RGS12: variants seen among roughly 807,000 people sequenced by gnomAD.
RGS12 encodes regulator of G protein signaling 12, also known as regulator of G-protein signaling 12.
Under a neutral mutation model 120.1 loss-of-function variants are expected in RGS12, and 66 were observed. The observed-to-expected ratio is 0.55, with a 90% CI of 0.45 to 0.67. RGS12 has a LOEUF of 0.67. RGS12 is among the 30% of genes least tolerant of loss of function. The pLI is 0.00. For missense variants in RGS12, 1,859 were observed against 1,957.7 expected (o/e 0.95, Z 0.95); for synonymous variants, 827 against 804.7 (o/e 1.03, Z -0.47).
intron 3 of RGS12, among the ~76,000 whole-genome samples, chr4:3,357,830 A>G (rs1715031895): frequency 6.6e-6 from 1 of 152,122 alleles, no homozygotes; most frequent in Non-Finnish European, 1.5e-5. Flanking sequence ...TGTTTGGGCT[A>G]TTTAGGGTCT....
chr4:3,407,381 GA>G (rs1223331351), intron 4 of RGS12: 5 of 152,308 alleles, frequency 3.3e-5, no homozygotes, highest in African/African-American at 1.2e-4. Context: ...GATCGCGGGA[GA>G]AACTGCAATA....
Position 3,422,378 on chromosome 4 carries a change from G to A in RGS12, c.2841G>A (p.Ser947=), listed in dbSNP as rs775651102. ...SVSSAGSLDL[S]EACRTLAPEK... ...CTGCTTGTCTCGCTGCTCCCCAGTC[G>A]GAGGCCTGCAGGACTTTGGCACCCG... Residue 947 remains serine, a splice_region_variant and synonymous_variant, in exon 11 of 18, where the codon TCG becomes TCA. Coordinates refer to ENST00000336727, the MANE Select transcript of RGS12 (RefSeq NM_001394154.1). 30 of 1,609,902 alleles carry A rather than the reference G, an allele frequency of 1.9e-5. No individual in the cohort carries two copies. The highest frequency in any genetic ancestry group is 5.3e-5 in the African/African-American group (4 of 74,904).
chr4:3,293,230 C>T, intron 1 of RGS12, 131 bp downstream of exon 1: 1 of 146,310 alleles, frequency 6.8e-6, no homozygotes, highest in Non-Finnish European at 1.5e-5. Context: ...GGCGCCCGTC[C>T]CCTCGGGGTC....
chr4:3,423,211 G>A (rs1723226710), intron 12 of RGS12, among the ~76,000 whole-genome samples: 1 of 152,194 alleles, frequency 6.6e-6, no homozygotes, highest in East Asian at 1.9e-4. Flanking sequence ...CCCTGGCCTG[G>A]TGAGCCCAGC....
intron 4 of RGS12, among the ~76,000 whole-genome samples, chr4:3,388,759 G>A (rs1019264515): frequency 1.3e-5 from 2 of 152,260 alleles, no homozygotes; most frequent in Non-Finnish European, 2.9e-5. Flanking sequence ...GGGCGGGGTC[G>A]GGGTGGGGGG....
intron 1 of RGS12, among the ~76,000 whole-genome samples, chr4:3,300,103 G>A (rs1285023640): frequency 6.6e-6 from 1 of 152,230 alleles, no homozygotes; most frequent in African/African-American, 2.4e-5. Flanking sequence ...CTGATACCTG[G>A]GAGTCCTGGT....
intron 9 of RGS12, 106 bp from the exon 10 acceptor site, chr4:3,420,536 C>A: frequency 1.8e-6 from 2 of 1,081,138 alleles, no homozygotes; most frequent in Non-Finnish European, 2.8e-6. Context: ...GTGGGGGGGG[C>A]TTCCTGGCGT....
chr4:3,324,861 G>A (rs1725457297), intron 2 of RGS12: 1 of 152,216 alleles, frequency 6.6e-6, no homozygotes. Flanking sequence ...GAAAGAAATA[G>A]TGTTATTTAA....
intron 3 of RGS12, among the ~76,000 whole-genome samples, chr4:3,373,787 C>T (rs556778079): frequency 3.3e-5 from 5 of 152,340 alleles, no homozygotes; most frequent in East Asian, 1.9e-4. Context: ...AGCATCAGCG[C>T]GTCCCACTTC....
intron 2 of RGS12, among the ~76,000 whole-genome samples, chr4:3,322,289 A>C (rs1480031343): frequency 6.6e-6 from 1 of 152,136 alleles, no homozygotes; most frequent in Non-Finnish European, 1.5e-5. Context: ...AGGGGAGCTG[A>C]GTTACTTGTA....
intron 17 of RGS12, chr4:3,432,169 A>T: frequency 2.0e-6 from 2 of 985,290 alleles, no homozygotes; most frequent in Non-Finnish European, 2.4e-6. Flanking sequence ...TCTGGACATC[A>T]TCACTGGACT....
intron 3 of RGS12, chr4:3,386,181 C>T: frequency 1.7e-6 from 1 of 587,064 alleles, no homozygotes; most frequent in East Asian, 2.8e-5. Flanking sequence ...GGGATCTGTT[C>T]TTTTCACATG....
chr4:3,395,975 T>C (rs1446999706), intron 4 of RGS12, among the ~76,000 whole-genome samples: 2 of 152,248 alleles, frequency 1.3e-5, no homozygotes, highest in Non-Finnish European at 2.9e-5. Context: ...CTGGGTACTT[T>C]AAATCATTTC....
At chr4:3,307,310 G>C (rs1237019518) in intron 1 of RGS12, among the ~76,000 whole-genome samples, 4 of 152,232 alleles carry the variant, frequency 2.6e-5, no homozygotes, top group Non-Finnish European at 5.9e-5. Flanking sequence ...GACAGGCCAC[G>C]CTGCGGCAGC....
At chr4:3,327,876 T>A (rs1405471065) in intron 2 of RGS12, among the ~76,000 whole-genome samples, 1 of 152,236 alleles carries the variant, frequency 6.6e-6, no homozygotes, top group African/African-American at 2.4e-5. Flanking sequence ...CCAGCAATCC[T>A]ACTACTGGGT....
chr4:3,399,336 A>G (rs1210029736), intron 4 of RGS12, among the ~76,000 whole-genome samples: 1 of 152,190 alleles, frequency 6.6e-6, no homozygotes, highest in African/African-American at 2.4e-5. Context: ...TATAATCAAG[A>G]AAAAGAGGGA....
At chr4:3,326,222 G>T (rs144106129) in intron 2 of RGS12, among the ~76,000 whole-genome samples, 119 of 152,238 alleles carry the variant, frequency 7.8e-4, no homozygotes, top group African/African-American at 2.8e-3. Context: ...GAGAAGAGGA[G>T]GTCAAATTAT....
At position 3,439,679 on chromosome 4, in the gene RGS12, G is replaced by A. The variant is rs950260405; in HGVS notation, c.4339G>A (p.Val1447Ile). Reference protein sequence around the residue: ...PKTSAHHATFV With the variant: ...PKTSAHHATFI ...GACCAGCGCTCACCACGCCACCTTCGTCTGAGCTGCCCTGGCCTGGCCAAC... is the reference window on the plus strand; with the variant it reads ...GACCAGCGCTCACCACGCCACCTTCATCTGAGCTGCCCTGGCCTGGCCAAC... Residue 1447 changes from valine to isoleucine, a missense_variant, in exon 18 of 18, where the codon GTC becomes ATC. Val to Ile is a conservative substitution (Grantham distance 29). Transcript: ENST00000336727. 1.4e-5 allele frequency: 21 copies of A among 1,524,164 alleles called. No individual in the cohort carries two copies. The highest frequency in any genetic ancestry group is 2.4e-5 in the East Asian group (1 of 42,374). The allele number at this position is 1,524,164 out of a possible 1,614,324, so 94.4% of individuals were successfully genotyped here. A position where few individuals can be genotyped will look rare whatever the true frequency, so the allele number is the denominator to read the frequency against.
rs1342219122 is a variant in RGS12 at position 3,368,511 on chromosome 4, TGTGTGTGTGTGGGGTAC to T, written c.1999-17880_1999-17864del. Reference sequence around the variant, plus strand: ...AGGTGCCTGTGTGTGTGTGGGTGCCTGTGTGTGTGTGGGGTACGTGTGTGTGTGGGGTACGTGTGTGG... The same window carrying T: ...AGGTGCCTGTGTGTGTGTGGGTGCCTGTGTGTGTGTGGGGTACGTGTGTGG... On this transcript the variant is annotated intron_variant, in intron 3 of 17. Coordinates refer to ENST00000336727, the MANE Select transcript of RGS12 (RefSeq NM_001394154.1). Among the ~76,000 whole-genome samples the T allele has an allele frequency of 1.6e-4, 19 of 119,302 alleles. 1 individual carries two copies. The East Asian group carries it at 4.7e-3, about 29-fold the overall frequency. The allele number at this position is 119,302 out of a possible 152,430, so 78.3% of individuals were successfully genotyped here. A position where few individuals can be genotyped will look rare whatever the true frequency, so the allele number is the denominator to read the frequency against.
Sources: allele counts gnomAD v4.1 joint callset (sites outside exome capture counted in the v4.1 genomes callset), GRCh38; gene constraint gnomAD v4.1.1; transcripts MANE v1.5; gene names NCBI Gene and HGNC (gene_info 2026-07-23, HGNC 2026-07-21).